The following CADM2 variants were observed in gnomAD, a reference collection of about 807,000 sequenced individuals.
CADM2 encodes immunoglobulin superfamily member 4D.
A neutral mutation model predicts 49.8 loss-of-function variants in CADM2; 12 were observed. That is an observed-to-expected ratio of 0.24 (90% CI 0.15 to 0.39). The LOEUF is 0.39. Ranked by LOEUF, CADM2 falls within the 10% of genes least tolerant of loss-of-function variation. CADM2 has a pLI of 1.00. For synonymous variants in CADM2, 214 were observed against 175.4 expected, an observed-to-expected ratio of 1.22 and a Z score of -1.74; for missense variants, 378 against 492.3, an observed-to-expected ratio of 0.77 and a Z score of 2.20.
chr3:85,295,447 A>T (rs2043932071), intron 1 of CADM2, among the ~76,000 whole-genome samples: 1 of 152,162 alleles, frequency 6.6e-6, no homozygotes, highest in African/African-American at 2.4e-5. Context: ...CTGGGTATAT[A>T]CCCAAAGGAC....
At position 85,440,637 on chromosome 3, in the gene CADM2, G is replaced by T. The variant is rs572904603; in HGVS notation, c.62-285885G>T. ...TGATGATAATATAAGCATTTGGTTT[G>T]CTTATGGGGGAAAAGGAACTATGTG... is the stretch of plus-strand genomic sequence containing the variant. On this transcript the variant is annotated intron_variant, in intron 1 of 9. Coordinates refer to ENST00000383699, the MANE Select transcript of CADM2 (RefSeq NM_001167675.2). 3.3e-5 allele frequency among the ~76,000 whole-genome samples: 5 copies of T among 152,178 alleles called. 1 individual carries two copies. The highest frequency in any genetic ancestry group is 1.2e-4 in the African/African-American group (5 of 41,526).
Position 85,145,990 on chromosome 3 carries a change from T to C in CADM2, c.61+186322T>C, listed in dbSNP as rs546090131. On this transcript the variant is annotated intron_variant, in intron 1 of 9. Transcript: ENST00000383699. ...GTTAAGGAGAGACAATAAAGACAAA[T>C]TCTTTGCGTTTGAAATTCCAGCTTT... Among the ~76,000 whole-genome samples, 19 of 152,258 alleles carry C rather than the reference T, an allele frequency of 1.2e-4. No individual in the cohort carries two copies. In the East Asian group the frequency reaches 2.9e-3, roughly 23 times the overall value.
At chr3:85,206,161 T>C (rs772150870) in intron 1 of CADM2, among the ~76,000 whole-genome samples, 2 of 152,074 alleles carry the variant, frequency 1.3e-5, no homozygotes, top group Non-Finnish European at 2.9e-5. Context: ...TTACAGATAA[T>C]ACTACTTAAT....
chr3:85,290,107 G>A (rs960118392), intron 1 of CADM2, among the ~76,000 whole-genome samples: 2 of 152,260 alleles, frequency 1.3e-5, no homozygotes, highest in African/African-American at 4.8e-5. Flanking sequence ...TCCGAAGCAG[G>A]GTGAGGCATT....
intron 1 of CADM2, among the ~76,000 whole-genome samples, chr3:85,191,399 T>C (rs775623679): frequency 6.6e-6 from 1 of 152,118 alleles, no homozygotes; most frequent in Non-Finnish European, 1.5e-5. Context: ...ACATTTACCA[T>C]ATGTCAGAGA....
chr3:85,335,232 C>T (rs1217793475), intron 1 of CADM2, among the ~76,000 whole-genome samples: 1 of 151,414 alleles, frequency 6.6e-6, no homozygotes, highest in East Asian at 1.9e-4. Flanking sequence ...CCAGAATAGA[C>T]AAAAATGAAA....
intron 1 of CADM2, among the ~76,000 whole-genome samples, chr3:85,681,964 G>A (rs981708910): frequency 2.0e-5 from 3 of 152,138 alleles, no homozygotes; most frequent in Non-Finnish European, 2.9e-5. Context: ...TTTGCAATGT[G>A]TAAGAGGCAT....
chr3:85,808,765 A>T (rs932807225), intron 3 of CADM2, among the ~76,000 whole-genome samples: 3 of 152,216 alleles, frequency 2.0e-5, no homozygotes, highest in Non-Finnish European at 4.4e-5. Flanking sequence ...CAAAATAAAA[A>T]TTTATTAAAG....
intron 1 of CADM2, among the ~76,000 whole-genome samples, chr3:85,069,497 G>A (rs1306835343): frequency 6.6e-6 from 1 of 152,022 alleles, no homozygotes; most frequent in Non-Finnish European, 1.5e-5. Context: ...CATCCTTTAA[G>A]CATAAGTTAA....
chr3:85,868,920 T>A (rs1292909435), intron 3 of CADM2, among the ~76,000 whole-genome samples: 3 of 152,170 alleles, frequency 2.0e-5, no homozygotes, highest in Non-Finnish European at 4.4e-5. Flanking sequence ...TTTAATTGGA[T>A]CGTTTATTGT....
intron 1 of CADM2, among the ~76,000 whole-genome samples, chr3:85,570,902 C>A (rs1029759175): frequency 6.6e-6 from 1 of 152,140 alleles, no homozygotes; most frequent in African/African-American, 2.4e-5. Context: ...AAAGTAAGAA[C>A]CGCTGCTCAG....
rs573537857 is a variant in CADM2 at position 85,333,518 on chromosome 3, G to A, written c.61+373850G>A. ...TATCTAACTGACCACTTAGTTTGTGGTTGAGTAATTATTGTCATCAACTGC... is the reference window on the plus strand; with the variant it reads ...TATCTAACTGACCACTTAGTTTGTGATTGAGTAATTATTGTCATCAACTGC... On this transcript the variant is annotated intron_variant, in intron 1 of 9. Coordinates refer to ENST00000383699, the MANE Select transcript of CADM2 (RefSeq NM_001167675.2). Among the ~76,000 whole-genome samples the A allele has an allele frequency of 4.0e-5, 6 of 151,840 alleles. No individual in the cohort carries two copies. The South Asian group carries it at 1.0e-3, about 26-fold the overall frequency.
chr3:85,801,110 T>C (rs1371290031), intron 2 of CADM2, among the ~76,000 whole-genome samples: 1 of 152,202 alleles, frequency 6.6e-6, no homozygotes, highest in Non-Finnish European at 1.5e-5. Context: ...ATCATGGTTA[T>C]CAGACTTAGC....
intron 8 of CADM2, among the ~76,000 whole-genome samples, chr3:86,002,159 T>C (rs1730263855): frequency 6.6e-6 from 1 of 152,104 alleles, no homozygotes; most frequent in Non-Finnish European, 1.5e-5. Context: ...GGAACACAGA[T>C]TCAAAGTAAG....
At chr3:85,235,217 C>T (rs952901181) in intron 1 of CADM2, among the ~76,000 whole-genome samples, 1 of 152,080 alleles carries the variant, frequency 6.6e-6, no homozygotes, top group African/African-American at 2.4e-5. Context: ...GTGACATTTT[C>T]ACTGTAATAA....
chr3:86,002,446 A>G (rs1254004952), intron 8 of CADM2, among the ~76,000 whole-genome samples: 1 of 152,082 alleles, frequency 6.6e-6, no homozygotes, highest in African/African-American at 2.4e-5. Context: ...TACAATCACA[A>G]TTCTATTGTG....
intron 3 of CADM2, among the ~76,000 whole-genome samples, chr3:85,831,150 C>A (rs562643641): frequency 6.6e-6 from 1 of 151,874 alleles, no homozygotes; most frequent in South Asian, 2.1e-4. Flanking sequence ...TGCATCCATG[C>A]TGCTGCAAAG....
chr3:85,594,343 A>T (rs2063186707), intron 1 of CADM2, among the ~76,000 whole-genome samples: 1 of 151,892 alleles, frequency 6.6e-6, no homozygotes, highest in South Asian at 2.1e-4. Flanking sequence ...TAATTAACTG[A>T]AATTATTTAT....
intron 1 of CADM2, among the ~76,000 whole-genome samples, chr3:85,143,473 C>T (rs2039639706): frequency 6.6e-6 from 1 of 152,154 alleles, no homozygotes; most frequent in African/African-American, 2.4e-5. Context: ...GAACAAGATC[C>T]TGTCTCAAAA....
Sources: gnomAD v4.1 joint callset for allele counts (sites outside exome capture counted in the v4.1 genomes callset) on GRCh38, gnomAD v4.1.1 for gene constraint, MANE v1.5 for transcripts, NCBI Gene and HGNC (gene_info 2026-07-23, HGNC 2026-07-21) for gene names.